Variants in CLUH observed in about 807,000 individuals in gnomAD.
CLUH encodes the protein clustered mitochondria protein homolog.
Under a neutral mutation model 139.3 loss-of-function variants are expected in CLUH, and 77 were observed. The observed-to-expected ratio is 0.55, with a 90% CI of 0.46 to 0.67. CLUH has a LOEUF of 0.67. Among genes scored for constraint, CLUH ranks in the 30% least tolerant of loss-of-function variants. The pLI, the probability that CLUH is intolerant of heterozygous loss-of-function variation, is 0.00. For synonymous variants in CLUH, 999 were observed against 801.6 expected (o/e 1.25, Z -4.16); for missense variants, 1,876 against 1,875.8 (o/e 1.00, Z 0.00).
chr17:2,709,852 C>T lies in CLUH; in HGVS notation c.100+1710G>A, dbSNP rs534698470. ...GTAACGTAAGTCCTAGCTAGCTGTA[C>T]TACCTTCCCAGGGACGTAGGAGCCC... On this transcript the variant is annotated intron_variant, in intron 1 of 25. Transcript: ENST00000651024. Among the ~76,000 whole-genome samples the T allele has an allele frequency of 2.6e-5, 4 of 152,270 alleles. No individual in the cohort carries two copies. The South Asian group carries it at 8.3e-4, about 32-fold the overall frequency.
In CLUH at chr17:2,696,528, C is replaced by G. The variant is rs1353655665; in HGVS notation, c.2196G>C (p.Arg732=). 6.4e-7 allele frequency: 1 copy of G among 1,571,956 alleles called. No homozygotes were observed. The highest frequency in any genetic ancestry group is 8.6e-7 in the Non-Finnish European group (1 of 1,162,672). ...IAADDGTADP[R]SREVIRNACK... ...ACGCGTTGCGGATCACCTCCCGGCT[C>G]CGAGGGTCTGCTGTGGAGACATGGC... The change falls in exon 12 of 26, where the codon CGG becomes CGC. Residue 732 remains arginine (R), a synonymous_variant. Coordinates refer to ENST00000651024, the MANE Select transcript of CLUH (RefSeq NM_001366661.1).
Position 2,695,498 on chromosome 17 carries a change from A to G in CLUH, c.2420T>C (p.Leu807Pro). 4 of 1,606,594 alleles carry G rather than the reference A, an allele frequency of 2.5e-6. No individual in the cohort carries two copies. Among genetic ancestry groups the G allele is most frequent in the Non-Finnish European group, 3.4e-6 (4 of 1,179,544 alleles). The change falls in exon 14 of 26, where the codon CTG becomes CCG. Residue 807 changes from leucine to proline, a missense_variant. Transcript: ENST00000651024. ...TGCCAGCGTTGCCCCGTCCACGGGCAGGACCGCGTGCTCCATGCAGTCCTT... is the reference window on the plus strand; with the variant it reads ...TGCCAGCGTTGCCCCGTCCACGGGCGGGACCGCGTGCTCCATGCAGTCCTT... ...LVKDCMEHAV[L>P]PVDGATLAEV...
rs199639281 is a variant in CLUH at position 2,693,864 on chromosome 17, G to A, written c.3231+36C>T. On this transcript the variant is annotated intron_variant, in intron 19 of 25. Coordinates refer to ENST00000651024, the MANE Select transcript of CLUH (RefSeq NM_001366661.1). ...CCCCTCACTCCCCATCCCCCAACAC[G>A]AGGCCAGGCCTTTGCTGCCACAGCC... 73 of 1,577,868 alleles carry A rather than the reference G, an allele frequency of 4.6e-5. No homozygotes were observed. In the East Asian group the frequency reaches 9.8e-4, roughly 21 times the overall value.
chr17:2,692,929 G>C, intron 19 of CLUH, 69 bp from the exon 20 acceptor site: 1 of 1,446,176 alleles, frequency 6.9e-7, no homozygotes, highest in South Asian at 1.4e-5. Flanking sequence ...GCCTGGCCCC[G>C]GCCCAGCAGC....
In CLUH at chr17:2,692,346, C is replaced by T. The variant is rs768471157; in HGVS notation, c.3560+15G>A. ...GCCTCCGCCGGCCTTGGCGTTTGGA[C>T]GGGCGGCCCCTCACCTGAGGGCCAC... On this transcript the variant is annotated intron_variant, in intron 22 of 25. Transcript: ENST00000651024. 3.2e-5 allele frequency: 49 copies of T among 1,542,434 alleles called. No individual in the cohort carries two copies. Among genetic ancestry groups the T allele is most frequent in the Non-Finnish European group, 4.0e-5 (46 of 1,150,920 alleles).
Position 2,697,887 on chromosome 17 carries a change from GC to G in CLUH, c.1961+8del. The G allele has an allele frequency of 6.8e-7, 1 of 1,472,446 alleles. No homozygotes were observed. Among genetic ancestry groups the G allele is most frequent in the Non-Finnish European group, 9.0e-7 (1 of 1,112,824 alleles). The allele number at this position is 1,472,446 out of a possible 1,614,324, so 91.2% of individuals were successfully genotyped here. ...GCCCCGGCCCTGGTCCGGCAGGGCC[GC>G]CCCTCACCTGTGCTCCACGAAGGCG... is the stretch of plus-strand genomic sequence containing the variant. On this transcript the variant is annotated splice_region_variant and intron_variant, in intron 10 of 25. Coordinates refer to ENST00000651024, the MANE Select transcript of CLUH (RefSeq NM_001366661.1).
chr17:2,709,842 G>A (rs778052674), intron 1 of CLUH, among the ~76,000 whole-genome samples: 5 of 152,100 alleles, frequency 3.3e-5, no homozygotes, highest in Non-Finnish European at 7.4e-5. Context: ...GTAAGTCCTA[G>A]CTAGCTGTAC....
rs1186140227 is a variant in CLUH at position 2,704,545 on chromosome 17, G to A, written c.120C>T (p.Leu40=). Residue 40 remains leucine (L), a synonymous_variant, in exon 2 of 26, where the codon CTC becomes CTT. Transcript: ENST00000651024. The surrounding 1 kb of genome is among the most constrained non-coding windows in gnomAD (Gnocchi z 5.7). ...PGAAELPSVM[L]LNGDCPESLK... ...GGCTCTCTGGGCAGTCCCCGTTTAA[G>A]AGCATGACTGATGGCAGCTCTGCGG... The A allele has an allele frequency of 4.5e-6, 7 of 1,567,498 alleles. No individual in the cohort carries two copies. Among genetic ancestry groups the A allele is most frequent in the Non-Finnish European group, 6.1e-6 (7 of 1,156,882 alleles).
chr17:2,709,793 G>T (rs1018909032), intron 1 of CLUH, among the ~76,000 whole-genome samples: 1 of 152,088 alleles, frequency 6.6e-6, no homozygotes, highest in African/African-American at 2.4e-5. Flanking sequence ...CTTCATTAAG[G>T]CTCCTTCCTT....
chr17:2,698,414 C>T lies in CLUH; in HGVS notation c.1443G>A (p.Val481=). 6.2e-7 allele frequency: 1 copy of T among 1,613,346 alleles called. No individual in the cohort carries two copies. The highest frequency in any genetic ancestry group is 8.5e-7 in the Non-Finnish European group (1 of 1,179,802). ...RDHYKDFGGD[V]AAYVAPTNDL... ...CGTTGGTGGGCGCCACGTAGGCCGCCACGTCCCCCCCGAAGTCCTTGTAGT... is the reference window on the plus strand; with the variant it reads ...CGTTGGTGGGCGCCACGTAGGCCGCTACGTCCCCCCCGAAGTCCTTGTAGT... The change falls in exon 10 of 26, where the codon GTG becomes GTA. Residue 481 remains valine (V), a synonymous_variant. Coordinates refer to ENST00000651024, the MANE Select transcript of CLUH (RefSeq NM_001366661.1).
At chr17:2,697,036 C>A in intron 10 of CLUH, 94 bp from the exon 11 acceptor site, 1 of 957,560 alleles carries the variant, frequency 1.0e-6, no homozygotes, top group South Asian at 1.7e-5. Context: ...CTCCACACCC[C>A]GCAGGCATAG....
Position 2,698,061 on chromosome 17 carries a change from T to G in CLUH, c.1796A>C (p.His599Pro). Residue 599 changes from histidine (H) to proline (P), a missense_variant, in exon 10 of 26, where the codon CAC (histidine) becomes CCC (proline). Coordinates refer to ENST00000651024, the MANE Select transcript of CLUH (RefSeq NM_001366661.1). The part of the protein sequence containing the change: ...CKGIIGNDGR[H>P]YILDLLRTFP... ...GGTGCGCAGCAGGTCGAGGATGTAGTGGCGCCCGTCGTTGCCAATGATGCC... is the reference window on the plus strand; with the variant it reads ...GGTGCGCAGCAGGTCGAGGATGTAGGGGCGCCCGTCGTTGCCAATGATGCC... 6.2e-7 allele frequency: 1 copy of G among 1,606,800 alleles called. No individual in the cohort carries two copies. Among genetic ancestry groups the G allele is most frequent in the Non-Finnish European group, 8.5e-7 (1 of 1,178,984 alleles).
Position 2,702,045 on chromosome 17 carries a change from A to G in CLUH, c.488T>C (p.Val163Ala). ...GCGCACGTGGATGCGGGCCTCACGC[A>G]CCGTGTACGGCTCTGTCAGGAAGGC... Reference protein sequence around the residue: ...VLRVVEEPYTVREARIHVRHV... With the variant: ...VLRVVEEPYTAREARIHVRHV... The change falls in exon 4 of 26, where the codon GTG (valine) becomes GCG (alanine). Residue 163 changes from valine (V) to alanine (A), a missense_variant. Physicochemically the swap from Val to Ala is moderately conservative, Grantham distance 64. Coordinates refer to ENST00000651024, the MANE Select transcript of CLUH (RefSeq NM_001366661.1). 6.2e-7 allele frequency: 1 copy of G among 1,613,572 alleles called. No homozygotes were observed. The highest frequency in any genetic ancestry group is 1.3e-5 in the African/African-American group (1 of 75,066).
At position 2,706,149 on chromosome 17, in the gene CLUH, C is replaced by T. The variant is rs1160956765; in HGVS notation, c.101-1585G>A. On this transcript the variant is annotated intron_variant, in intron 1 of 25. Transcript: ENST00000651024. This position sits in a 1 kb window ranked among gnomAD's most constrained non-coding sequence, Gnocchi z 4.6. ...CGGCTCTCAGGAGCGGGGACAGGTG[C>T]CTTTCCCAGAACTGTGTGGTCCCAA... 6.6e-6 allele frequency among the ~76,000 whole-genome samples: 1 copy of T among 152,128 alleles called. No homozygotes were observed. Among genetic ancestry groups the T allele is most frequent in the Non-Finnish European group, 1.5e-5 (1 of 68,018 alleles).
At chr17:2,691,728 C>A (rs370039840) in intron 24 of CLUH, 33 bp downstream of exon 24, 3 of 1,602,118 alleles carry the variant, frequency 1.9e-6, no homozygotes, top group Non-Finnish European at 2.6e-6. Context: ...CCGCGCTCGC[C>A]GGGCCGGAGG....
chr17:2,708,492 A>G (rs1318210297), intron 1 of CLUH, among the ~76,000 whole-genome samples: 1 of 152,082 alleles, frequency 6.6e-6, no homozygotes, highest in Non-Finnish European at 1.5e-5. Context: ...GTGCCAGCCC[A>G]TCTCACCTGA....
intron 10 of CLUH, among the ~76,000 whole-genome samples, chr17:2,697,401 GAAAAA>G (rs79574930): frequency 2.5e-5 from 3 of 121,754 alleles, no homozygotes; most frequent in African/African-American, 9.1e-5. Flanking sequence ...CTCCGTCTCA[GAAAAA>G]AAAAAAAAAA....
intron 1 of CLUH, among the ~76,000 whole-genome samples, chr17:2,705,541 G>A (rs2070326819): frequency 6.6e-6 from 1 of 152,052 alleles, no homozygotes; most frequent in East Asian, 1.9e-4. Context: ...ATCCCATTCT[G>A]TACAGCAAAC....
rs185563572 is a variant in CLUH at position 2,704,582 on chromosome 17, G to A, written c.101-18C>T. On this transcript the variant is annotated intron_variant, in intron 1 of 25. Transcript: ENST00000651024. This position sits in a 1 kb window ranked among gnomAD's most constrained non-coding sequence, Gnocchi z 5.7. ...TGGCAGCTCTGCGGGTGACAAGAAC[G>A]GGTCAGAATCAGGCAGCCTCGCTGG... is the stretch of plus-strand genomic sequence containing the variant. The A allele has an allele frequency of 5.2e-6, 8 of 1,537,176 alleles. No homozygotes were observed. In the East Asian group the frequency reaches 9.8e-5, roughly 19 times the overall value.
Sources: gnomAD v4.1 joint callset for allele counts (sites outside exome capture counted in the v4.1 genomes callset) on GRCh38, gnomAD v4.1.1 for gene constraint, Gnocchi (gnomAD v3.1) non-coding constraint, MANE v1.5 for transcripts, NCBI Gene and HGNC (gene_info 2026-07-23, HGNC 2026-07-21) for gene names.